Variants in EFHC1 observed in about 807,000 individuals in gnomAD.
The protein encoded by EFHC1 is EF-hand domain containing 1, also known as EF-hand domain-containing protein 1.
A neutral mutation model predicts 69.9 loss-of-function variants in EFHC1; 53 were observed. That is an observed-to-expected ratio of 0.76 (90% CI 0.61 to 0.95). The LOEUF (loss-of-function observed/expected upper bound fraction) is 0.95. EFHC1 is among the 40% of genes least tolerant of loss of function. The pLI, the probability that EFHC1 is intolerant of heterozygous loss-of-function variation, is 0.00. For missense variants in EFHC1, 739 were observed against 798.7 expected (o/e 0.93, Z 0.90); for synonymous variants, 256 against 278.4 (o/e 0.92, Z 0.80).
intron 1 of EFHC1, among the ~76,000 whole-genome samples, chr6:52,422,746 C>A (rs556320915): frequency 1.2e-4 from 18 of 152,146 alleles, no homozygotes; most frequent in Middle Eastern, 3.4e-3. Context: ...TTTATTTAAT[C>A]TTTTAAATAA....
chr6:52,453,932 G>A lies in EFHC1; in HGVS notation c.724-163G>A, dbSNP rs1176313648. On this transcript the variant is annotated intron_variant, in intron 4 of 10. Transcript: ENST00000371068. ...ATAGTACATAATTTCAGATGTTTTAGTATGTTTGATGAATATTTCTTTTTT... is the reference window on the plus strand; with the variant it reads ...ATAGTACATAATTTCAGATGTTTTAATATGTTTGATGAATATTTCTTTTTT... 1.0e-5 allele frequency: 15 copies of A among 1,494,566 alleles called. No individual in the cohort carries two copies. The East Asian group carries it at 4.0e-4, about 40-fold the overall frequency. The allele number at this position is 1,494,566 out of a possible 1,614,324, so 92.6% of individuals were successfully genotyped here. A position where few individuals can be genotyped will look rare whatever the true frequency, so the allele number is the denominator to read the frequency against.
intron 3 of EFHC1, among the ~76,000 whole-genome samples, chr6:52,442,796 T>C (rs1218894686): frequency 2.0e-5 from 3 of 152,208 alleles, no homozygotes; most frequent in Non-Finnish European, 4.4e-5. Flanking sequence ...TTTATAATCC[T>C]TTGGGTATAT....
At chr6:52,485,153 T>C (rs923921549) in intron 9 of EFHC1, 3 of 151,794 alleles carry the variant, frequency 2.0e-5, no homozygotes, top group Non-Finnish European at 4.4e-5. Flanking sequence ...TAGAGAAGCG[T>C]AGTTTGGTGG....
rs1368275747 is a variant in EFHC1 at position 52,493,657 on chromosome 6, A to T, written c.*1316A>T. Reference sequence around the variant, plus strand: ...GGTGACAGAGCAAGACTCCATCTCAAAAAAAAAAAGGTTAGAAAAATGCTG... The same window carrying T: ...GGTGACAGAGCAAGACTCCATCTCATAAAAAAAAAGGTTAGAAAAATGCTG... On this transcript the variant is annotated 3_prime_UTR_variant, in exon 11 of 11. Coordinates refer to ENST00000371068, the MANE Select transcript of EFHC1 (RefSeq NM_018100.4). 1 of 443,636 alleles carries T rather than the reference A, an allele frequency of 2.3e-6. No homozygotes were observed. The highest frequency in any genetic ancestry group is 4.5e-6 in the Non-Finnish European group (1 of 222,058). 27.5% of individuals were successfully genotyped at this position (443,636 alleles called of 1,614,324 possible). A position where few individuals can be genotyped will look rare whatever the true frequency, so the allele number is the denominator to read the frequency against.
At position 52,490,158 on chromosome 6, in the gene EFHC1, T is replaced by A; in HGVS notation, c.1659T>A (p.Asp553Glu). The change falls in exon 10 of 11, where the codon GAT becomes GAA. Residue 553 changes from aspartate (D) to glutamate (E), a missense_variant. By Grantham distance (45) the Asp-to-Glu change is conservative. Transcript: ENST00000371068. ...TCTACAGCAAGCAAACTGAAAAGGATCCAGGCGTGCAGGAATTGGAAGCAT... is the reference window on the plus strand; with the variant it reads ...TCTACAGCAAGCAAACTGAAAAGGAACCAGGCGTGCAGGAATTGGAAGCAT... The part of the protein sequence containing the change: ...PEAESKQTEK[D>E]PGVQELEALI... The A allele has an allele frequency of 1.9e-5, 31 of 1,613,686 alleles. No individual in the cohort carries two copies. Among genetic ancestry groups the A allele is most frequent in the Non-Finnish European group, 2.6e-5 (31 of 1,179,926 alleles).
chr6:52,438,382 A>C lies in EFHC1; in HGVS notation c.364A>C (p.Ile122Leu). Residue 122 changes from isoleucine (I) to leucine (L), a missense_variant, in exon 3 of 11, where the codon ATT (isoleucine) becomes CTT (leucine). Coordinates refer to ENST00000371068, the MANE Select transcript of EFHC1 (RefSeq NM_018100.4). Reference protein sequence around the residue: ...EEQYRIRQVNIYYYLEDDSMS... With the variant: ...EEQYRIRQVNLYYYLEDDSMS... ...ACAGTATAGGATCCGTCAGGTGAAC[A>C]TTTACTATTATCTAGAAGATGACAG... The C allele has an allele frequency of 6.2e-7, 1 of 1,613,952 alleles. No homozygotes were observed. The highest frequency in any genetic ancestry group is 8.5e-7 in the Non-Finnish European group (1 of 1,179,972).
chr6:52,464,126 G>A (rs1375658431), intron 5 of EFHC1, among the ~76,000 whole-genome samples: 1 of 152,134 alleles, frequency 6.6e-6, no homozygotes, highest in Non-Finnish European at 1.5e-5. Context: ...AGATTTCCTT[G>A]GATGCCAGGC....
In EFHC1 at chr6:52,496,320, G is replaced by T. The variant is rs1392663461; in HGVS notation, c.*3979G>T. 6.6e-6 allele frequency: 1 copy of T among 152,382 alleles called. No individual in the cohort carries two copies. The highest frequency in any genetic ancestry group is 1.5e-5 in the Non-Finnish European group (1 of 68,236). 9.4% of individuals were successfully genotyped at this position (152,382 alleles called of 1,614,324 possible). On this transcript the variant is annotated 3_prime_UTR_variant, in exon 11 of 11. Coordinates refer to ENST00000371068, the MANE Select transcript of EFHC1 (RefSeq NM_018100.4). ...ACTAAGACTGCTTATAGTGCTTACGGCTTTGGGACTAATAAAAATCTGCCT... is the reference window on the plus strand; with the variant it reads ...ACTAAGACTGCTTATAGTGCTTACGTCTTTGGGACTAATAAAAATCTGCCT...
At position 52,452,751 on chromosome 6, in the gene EFHC1, A is replaced by T. The variant is rs201379297; in HGVS notation, c.637A>T (p.Thr213Ser). 1.9e-6 allele frequency: 3 copies of T among 1,614,088 alleles called. No individual in the cohort carries two copies. Among genetic ancestry groups the T allele is most frequent in the Admixed American group, 3.3e-5 (2 of 60,002 alleles). Residue 213 changes from threonine (T) to serine (S), a missense_variant, in exon 4 of 11, where the codon ACT becomes TCT. Thr to Ser is a moderately conservative substitution (Grantham distance 58). Coordinates refer to ENST00000371068, the MANE Select transcript of EFHC1 (RefSeq NM_018100.4). ...AGAGAAGATGGCTCTTGATCCTTAC[A>T]CTGAACTCCGAAAACAGCCTCTTCG... ...PPEKMALDPY[T>S]ELRKQPLRKY...
intron 7 of EFHC1, among the ~76,000 whole-genome samples, chr6:52,475,360 G>T (rs191634275): frequency 6.6e-6 from 1 of 152,296 alleles, no homozygotes; most frequent in Admixed American, 6.5e-5. Flanking sequence ...AAATCCCATG[G>T]AGGTCAGACT....
At chr6:52,453,863 CA>C in intron 4 of EFHC1, 1 of 1,362,930 alleles carries the variant, frequency 7.3e-7, no homozygotes, top group South Asian at 1.2e-5. Flanking sequence ...TTTTTTGGCA[CA>C]AACTTATAAT....
intron 7 of EFHC1, among the ~76,000 whole-genome samples, chr6:52,474,183 G>A (rs752719331): frequency 5.9e-5 from 9 of 152,166 alleles, no homozygotes; most frequent in Non-Finnish European, 1.3e-4. Context: ...GGGCTTGGTG[G>A]CATGTGCCTA....
At chr6:52,425,745 A>G (rs776185941) in intron 2 of EFHC1, among the ~76,000 whole-genome samples, 2 of 152,200 alleles carry the variant, frequency 1.3e-5, no homozygotes, top group Non-Finnish European at 2.9e-5. Context: ...TTTGTTTATA[A>G]TAAGGGAATT....
intron 3 of EFHC1, among the ~76,000 whole-genome samples, chr6:52,450,511 G>A (rs887718657): frequency 6.6e-6 from 1 of 152,132 alleles, no homozygotes; most frequent in Non-Finnish European, 1.5e-5. Context: ...TATGTATTTA[G>A]CATAGTTAGT....
intron 8 of EFHC1, 59 bp from the exon 9 acceptor site, chr6:52,479,581 T>C (rs1765625832): frequency 1.2e-6 from 2 of 1,610,808 alleles, no homozygotes; most frequent in South Asian, 2.2e-5. Flanking sequence ...AATACTATTT[T>C]ACTCCTGATT....
Position 52,457,692 on chromosome 6 carries a change from G to T in EFHC1, c.916+3405G>T, listed in dbSNP as rs545253271. 5.9e-4 allele frequency among the ~76,000 whole-genome samples: 90 copies of T among 152,304 alleles called. No individual in the cohort carries two copies. The South Asian group carries it at 0.019, about 32-fold the overall frequency. Reference sequence around the variant, plus strand: ...CAGGACATCTTTTGACTTAACAAAAGCTTTCTACTCAGCTCTTGAACCCAA... The same window carrying T: ...CAGGACATCTTTTGACTTAACAAAATCTTTCTACTCAGCTCTTGAACCCAA... On this transcript the variant is annotated intron_variant, in intron 5 of 10. Coordinates refer to ENST00000371068, the MANE Select transcript of EFHC1 (RefSeq NM_018100.4).
Position 52,457,078 on chromosome 6 carries a change from A to G in EFHC1, c.916+2791A>G, listed in dbSNP as rs2113999281. ...TTTTTATTAAATTCAATTAAACAAG[A>G]GGTAAATAATCTGCTATGGGAACCA... is the stretch of plus-strand genomic sequence containing the variant. On this transcript the variant is annotated intron_variant, in intron 5 of 10. Transcript: ENST00000371068. Among the ~76,000 whole-genome samples, 2 of 152,336 alleles carry G rather than the reference A, an allele frequency of 1.3e-5. 1 individual carries two copies. The highest frequency in any genetic ancestry group is 4.1e-4 in the South Asian group (2 of 4,828).
chr6:52,456,751 TA>T (rs1163687653), intron 5 of EFHC1, among the ~76,000 whole-genome samples: 32 of 152,010 alleles, frequency 2.1e-4, no homozygotes, highest in Non-Finnish European at 4.1e-4. Context: ...CCCTCTCTAC[TA>T]AAAAATACAA....
chr6:52,469,393 C>G lies in EFHC1; in HGVS notation c.1198C>G (p.Leu400Val). 1 of 1,614,016 alleles carries G rather than the reference C, an allele frequency of 6.2e-7. No individual in the cohort carries two copies. Residue 400 changes from leucine to valine, a missense_variant, in exon 7 of 11, where the codon CTC (leucine) becomes GTC (valine). Physicochemically the swap from Leu to Val is conservative, Grantham distance 32 (BLOSUM62 1). Coordinates refer to ENST00000371068, the MANE Select transcript of EFHC1 (RefSeq NM_018100.4). ...AGATTCTGCTCAGAATTGTTTTGCT[C>G]TCATTCCAAAAGCTCCAAAAAAAGA... ...VEDSAQNCFA[L>V]IPKAPKKDVI...
Sources: gnomAD v4.1 joint callset for allele counts (sites outside exome capture counted in the v4.1 genomes callset) on GRCh38, gnomAD v4.1.1 for gene constraint, MANE v1.5 for transcripts, NCBI Gene and HGNC (gene_info 2026-07-23, HGNC 2026-07-21) for gene names.